CDK19: variants seen among roughly 807,000 people sequenced by gnomAD.
The protein encoded by CDK19 is cyclin dependent kinase 19, also known as cyclin-dependent kinase 19.
In CDK19, 20 loss-of-function variants were observed where a neutral mutation model predicts 68.3. The observed-to-expected ratio is 0.29, with a 90% confidence interval of 0.21 to 0.43. The LOEUF is 0.43. Ranked by LOEUF, CDK19 falls within the 20% of genes least tolerant of loss-of-function variation. The pLI is 1.00. For missense variants in CDK19, 339 were observed against 623.5 expected (o/e 0.54, Z 4.86); for synonymous variants, 221 against 222.8 (o/e 0.99, Z 0.07).
intron 4 of CDK19, chr6:110,646,471 GGCGGA>G (rs1780585455): frequency 1.3e-6 from 2 of 1,482,964 alleles, no homozygotes; most frequent in South Asian, 2.6e-5. Flanking sequence ...AGGCCCAGAA[GGCGGA>G]GCCCAGCTCG....
Position 110,621,707 on chromosome 6 carries a change from G to A in CDK19, c.1111-337C>T, listed in dbSNP as rs1230340104. On this transcript the variant is annotated intron_variant, in intron 11 of 12. Transcript: ENST00000368911. The surrounding 1 kb of genome is among the most constrained non-coding windows in gnomAD (Gnocchi z 5.4). ...ACAGCTAGAAGAAATCTTTTCAATC[G>A]TGATTCTGGAAAGGCAGAGCGGTCT... Among the ~76,000 whole-genome samples the A allele has an allele frequency of 6.6e-6, 1 of 152,184 alleles. No homozygotes were observed. The highest frequency in any genetic ancestry group is 2.4e-5 in the African/African-American group (1 of 41,442).
At chr6:110,719,788 T>A (rs1775685889) in intron 2 of CDK19, among the ~76,000 whole-genome samples, 1 of 152,148 alleles carries the variant, frequency 6.6e-6, no homozygotes, top group Non-Finnish European at 1.5e-5. Context: ...TGGGGTGCAG[T>A]GGCGCAATCT....
chr6:110,614,801 T>G (rs916177125), intron 12 of CDK19, 135 bp from the exon 13 acceptor site: 1 of 767,038 alleles, frequency 1.3e-6, no homozygotes, highest in Non-Finnish European at 2.1e-6. Flanking sequence ...GACAGCTAAC[T>G]TAAGTTGTTA....
intron 1 of CDK19, among the ~76,000 whole-genome samples, chr6:110,774,412 A>G (rs1279479462): frequency 6.6e-6 from 1 of 152,222 alleles, no homozygotes; most frequent in Non-Finnish European, 1.5e-5. Context: ...ATGGCTACTA[A>G]GTGACAGGTA....
At chr6:110,685,926 T>A (rs1294811379) in intron 2 of CDK19, among the ~76,000 whole-genome samples, 1 of 152,182 alleles carries the variant, frequency 6.6e-6, no homozygotes, top group Non-Finnish European at 1.5e-5. Context: ...ATGTATGGCC[T>A]TTACCTTCAG....
At chr6:110,787,911 C>T (rs1266468953) in intron 1 of CDK19, among the ~76,000 whole-genome samples, 1 of 150,938 alleles carries the variant, frequency 6.6e-6, no homozygotes, top group Non-Finnish European at 1.5e-5. Flanking sequence ...GTGATTTCGG[C>T]TCACTGCAAC....
chr6:110,701,386 CAAAAA>C (rs58069740), intron 2 of CDK19, among the ~76,000 whole-genome samples: 1 of 124,546 alleles, frequency 8.0e-6, no homozygotes, highest in African/African-American at 3.0e-5. Context: ...ACTAAAAATA[CAAAAA>C]AAAAAAAAAA....
intron 1 of CDK19, among the ~76,000 whole-genome samples, chr6:110,806,842 G>A (rs1277929389): frequency 1.3e-5 from 2 of 151,998 alleles, no homozygotes; most frequent in Non-Finnish European, 2.9e-5. Context: ...GCCAGGTATA[G>A]TGGTATATGC....
chr6:110,628,121 G>C (rs942770394), intron 6 of CDK19, among the ~76,000 whole-genome samples: 5 of 152,132 alleles, frequency 3.3e-5, no homozygotes, highest in Non-Finnish European at 7.3e-5. Context: ...AGATGCAGAA[G>C]AATCTCTTGA....
intron 1 of CDK19, among the ~76,000 whole-genome samples, chr6:110,776,816 A>G (rs989120839): frequency 1.2e-4 from 18 of 152,372 alleles, no homozygotes; most frequent in African/African-American, 4.1e-4. Context: ...CATTAAAACA[A>G]TAATAGCAGC....
intron 12 of CDK19, among the ~76,000 whole-genome samples, chr6:110,620,900 G>A (rs369708421): frequency 6.6e-6 from 1 of 151,932 alleles, no homozygotes; most frequent in Non-Finnish European, 1.5e-5. Flanking sequence ...TCCTCTCCTC[G>A]GGTGTCAGGA....
chr6:110,688,228 A>C lies in CDK19; in HGVS notation c.205-17687T>G, dbSNP rs141603080. Among the ~76,000 whole-genome samples the C allele has an allele frequency of 9.4e-3, 1,427 of 152,218 alleles. 12 individuals are homozygous for C. Among genetic ancestry groups the C allele is most frequent in the Non-Finnish European group, 0.016 (1,067 of 67,998 alleles). ...TGGCGAAACCTCATCTCTACTAAAA[A>C]TAAAAAAATTAGCCAGGCATGAATC... is the stretch of plus-strand genomic sequence containing the variant. On this transcript the variant is annotated intron_variant, in intron 2 of 12. Coordinates refer to ENST00000368911, the MANE Select transcript of CDK19 (RefSeq NM_015076.5).
intron 1 of CDK19, among the ~76,000 whole-genome samples, chr6:110,776,410 C>G (rs1780398803): frequency 6.8e-6 from 1 of 146,382 alleles, no homozygotes; most frequent in Non-Finnish European, 1.5e-5. Context: ...GCCTGGGCAA[C>G]AAGACTGAAA....
At chr6:110,701,777 C>A (rs1774029274) in intron 2 of CDK19, among the ~76,000 whole-genome samples, 1 of 152,006 alleles carries the variant, frequency 6.6e-6, no homozygotes, top group South Asian at 2.1e-4. Flanking sequence ...CAATAAGGAA[C>A]TGGTTGAAGA....
Position 110,621,937 on chromosome 6 carries a change from T to G in CDK19, c.1110+151A>C, listed in dbSNP as rs1319179234. On this transcript the variant is annotated intron_variant, in intron 11 of 12. Coordinates refer to ENST00000368911, the MANE Select transcript of CDK19 (RefSeq NM_015076.5). This position sits in a 1 kb window ranked among gnomAD's most constrained non-coding sequence, Gnocchi z 5.4. ...TTCAAACTTCAAGGTACCTTTACAA[T>G]CCCCAAACTTCCACAGAAAATAAGA... 2 of 477,128 alleles carry G rather than the reference T, an allele frequency of 4.2e-6. No homozygotes were observed. Among genetic ancestry groups the G allele is most frequent in the Non-Finnish European group, 7.3e-6 (2 of 274,860 alleles). 29.6% of individuals were successfully genotyped at this position (477,128 alleles called of 1,614,324 possible).
At chr6:110,796,795 G>A (rs1160262331) in intron 1 of CDK19, among the ~76,000 whole-genome samples, 1 of 149,552 alleles carries the variant, frequency 6.7e-6, no homozygotes, top group African/African-American at 2.5e-5. Flanking sequence ...ATCATTTGAG[G>A]TCAGAAGTTC....
rs1373882315 is a variant in CDK19, at chr6:110,622,977, T to A, written c.934-65A>T. ...TTATTTACAAGTCAACACCTTGTCT[T>A]TTGTATTACTGTGTAACAGGATTAA... On this transcript the variant is annotated intron_variant, in intron 9 of 12. Transcript: ENST00000368911. The A allele has an allele frequency of 8.3e-6, 8 of 961,292 alleles. No individual in the cohort carries two copies. In the African/African-American group the frequency reaches 1.3e-4, roughly 15 times the overall value. The allele number at this position is 961,292 out of a possible 1,614,324, so 59.5% of individuals were successfully genotyped here.
intron 1 of CDK19, chr6:110,814,670 T>C: frequency 1.9e-6 from 1 of 521,118 alleles, no homozygotes; most frequent in East Asian, 5.1e-5. Context: ...GCCTGCCCGC[T>C]GCGTTCCCCC....
At chr6:110,718,029 G>T (rs1775539135) in intron 2 of CDK19, among the ~76,000 whole-genome samples, 1 of 152,072 alleles carries the variant, frequency 6.6e-6, no homozygotes, top group Non-Finnish European at 1.5e-5. Flanking sequence ...TGTCCCTTCT[G>T]CCACGTGAGG....
Sources: gnomAD v4.1 joint callset for allele counts (sites outside exome capture counted in the v4.1 genomes callset) on GRCh38, gnomAD v4.1.1 for gene constraint, Gnocchi (gnomAD v3.1) non-coding constraint, MANE v1.5 for transcripts, NCBI Gene and HGNC (gene_info 2026-07-23, HGNC 2026-07-21) for gene names.